Variants in TRPM3 observed in about 807,000 individuals in gnomAD.
TRPM3 encodes transient receptor potential cation channel subfamily M member 3, also known as long transient receptor potential channel 3.
In TRPM3, 77 loss-of-function variants were observed where a neutral mutation model predicts 181.2. That is an observed-to-expected ratio of 0.42 (90% CI 0.35 to 0.51). The LOEUF (loss-of-function observed/expected upper bound fraction) is 0.51, where lower values mean the gene tolerates loss of function less well. Ranked by LOEUF, TRPM3 falls within the 20% of genes least tolerant of loss-of-function variation. The pLI is 0.01. For missense variants in TRPM3, 1,759 were observed against 2,196.7 expected (o/e 0.80, Z 3.98); for synonymous variants, 745 against 796.4 (o/e 0.94, Z 1.09).
At chr9:70,581,100 T>C (rs758419139) in intron 22 of TRPM3, among the ~76,000 whole-genome samples, 3 of 152,232 alleles carry the variant, frequency 2.0e-5, no homozygotes, top group Non-Finnish European at 4.4e-5. Flanking sequence ...TTATGAGATA[T>C]ATACACAGAA....
intron 1 of TRPM3, among the ~76,000 whole-genome samples, chr9:71,251,576 T>C (rs2082344652): frequency 6.6e-6 from 1 of 152,182 alleles, no homozygotes; most frequent in South Asian, 2.1e-4. Flanking sequence ...TTTTAATTTT[T>C]AGTTTTTAAA....
chr9:71,081,859 GC>G (rs1263139199), intron 1 of TRPM3, among the ~76,000 whole-genome samples: 1 of 152,050 alleles, frequency 6.6e-6, no homozygotes. Context: ...TTACATTCTG[GC>G]TTTTTCTTAG....
intron 5 of TRPM3, among the ~76,000 whole-genome samples, chr9:70,839,663 AT>A (rs1417835276): frequency 2.0e-5 from 3 of 152,120 alleles, no homozygotes; most frequent in African/African-American, 7.2e-5. Context: ...TTATCCTTGG[AT>A]TTATTTCCAA....
At chr9:70,590,055 C>A (rs2057859870) in intron 22 of TRPM3, among the ~76,000 whole-genome samples, 1 of 151,880 alleles carries the variant, frequency 6.6e-6, no homozygotes, top group Admixed American at 6.6e-5. Context: ...GGCCTGTCAG[C>A]AAAAAAATGT....
intron 1 of TRPM3, among the ~76,000 whole-genome samples, chr9:71,208,270 G>C (rs2079249786): frequency 6.6e-6 from 1 of 152,114 alleles, no homozygotes; most frequent in Non-Finnish European, 1.5e-5. Flanking sequence ...GTGTAAAACG[G>C]TATGTCTAGA....
chr9:70,554,638 T>G (rs1168202674), intron 22 of TRPM3, among the ~76,000 whole-genome samples: 1 of 152,154 alleles, frequency 6.6e-6, no homozygotes, highest in Non-Finnish European at 1.5e-5. Context: ...GCATTTCTTT[T>G]AAAACTTTCT....
chr9:71,162,044 T>A (rs1418545587), intron 1 of TRPM3, among the ~76,000 whole-genome samples: 1 of 150,906 alleles, frequency 6.6e-6, no homozygotes, highest in African/African-American at 2.4e-5. Flanking sequence ...TCTACTAAAA[T>A]AAAAAATTAG....
At chr9:71,300,321 G>A (rs1184956632) in intron 1 of TRPM3, among the ~76,000 whole-genome samples, 1 of 152,036 alleles carries the variant, frequency 6.6e-6, no homozygotes, top group African/African-American at 2.4e-5. Flanking sequence ...GCCCATGACA[G>A]GGATGCTGCT....
intron 8 of TRPM3, among the ~76,000 whole-genome samples, chr9:70,748,836 G>T (rs2075635256): frequency 6.6e-6 from 1 of 152,054 alleles, no homozygotes; most frequent in Non-Finnish European, 1.5e-5. Context: ...TAAAACAATG[G>T]TCCCTGGAGA....
At chr9:71,338,819 C>T (rs2090756405) in intron 1 of TRPM3, among the ~76,000 whole-genome samples, 1 of 152,130 alleles carries the variant, frequency 6.6e-6, no homozygotes, top group Non-Finnish European at 1.5e-5. Flanking sequence ...AGAAACATTA[C>T]TGGCATTTCT....
rs776766485 is a variant in TRPM3 at position 71,121,246 on chromosome 9, G to C, written c.109C>G (p.Arg37Gly). Residue 37 changes from arginine to glycine, a missense_variant, in exon 1 of 26, where the codon CGA (arginine) becomes GGA (glycine). This residue lies in a region of TRPM3 where 737 missense variants were observed against 957.4 expected (regional missense o/e 0.77). Coordinates refer to ENST00000677713, the MANE Select transcript of TRPM3 (RefSeq NM_001366145.2). ...TTCCGGATGGTCCAGTTTAGGGGTC[G>C]AGGAGCATCAGCCTGATTCATGACC... is the stretch of plus-strand genomic sequence containing the variant. ...EGVMNQADAP[R>G]PLNWTIRKLC... 1 of 1,614,128 alleles carries C rather than the reference G, an allele frequency of 6.2e-7. No individual in the cohort carries two copies. The highest frequency in any genetic ancestry group is 2.2e-5 in the East Asian group (1 of 44,870).
At chr9:71,004,540 T>A (rs537591026) in intron 1 of TRPM3, among the ~76,000 whole-genome samples, 2 of 152,236 alleles carry the variant, frequency 1.3e-5, no homozygotes, top group Non-Finnish European at 2.9e-5. Flanking sequence ...TCTCCTCCTA[T>A]ATGCAGGCAT....
At position 71,226,876 on chromosome 9, in the gene TRPM3, A is replaced by C. The variant is rs976381606; in HGVS notation, c.183+219777T>G. On this transcript the variant is annotated intron_variant, in intron 1 of 24. Transcript: ENST00000357533. ...CAACAAAAAATCAAACTTAATCTGC[A>C]CTATAGGCCATGTGGGCCTATAAAT... Among the ~76,000 whole-genome samples, 3 of 152,200 alleles carry C rather than the reference A, an allele frequency of 2.0e-5. No individual in the cohort carries two copies. The East Asian group carries it at 5.8e-4, about 29-fold the overall frequency.
intron 19 of TRPM3, among the ~76,000 whole-genome samples, chr9:70,603,860 T>C (rs1346649208): frequency 6.6e-6 from 1 of 152,078 alleles, no homozygotes; most frequent in Non-Finnish European, 1.5e-5. Flanking sequence ...ACAGTGGATT[T>C]TTGCCTCACG....
At chr9:71,197,279 A>AT (rs1457624222) in intron 1 of TRPM3, among the ~76,000 whole-genome samples, 1 of 152,136 alleles carries the variant, frequency 6.6e-6, no homozygotes, top group African/African-American at 2.4e-5. Context: ...ATTGTTGGAC[A>AT]TTTCGCTTGG....
intron 1 of TRPM3, among the ~76,000 whole-genome samples, chr9:71,371,151 T>C (rs1195757415): frequency 6.6e-6 from 1 of 152,042 alleles, no homozygotes; most frequent in Admixed American, 6.6e-5. Flanking sequence ...GTACACGGAG[T>C]TGAATGTTGT....
At position 70,580,993 on chromosome 9, in the gene TRPM3, A is replaced by G. The variant is rs563668792; in HGVS notation, c.3223+10038T>C. The stretch of plus-strand genomic sequence containing the variant: ...TCGTGGCACAGAGCCTGGCACTTGA[A>G]GTGCTTAGTAAATGTCATTGAATGA... On this transcript the variant is annotated intron_variant, in intron 22 of 25. Transcript: ENST00000677713. 2.8e-4 allele frequency among the ~76,000 whole-genome samples: 42 copies of G among 152,364 alleles called. 1 individual carries two copies. Among genetic ancestry groups the G allele is most frequent in the South Asian group, 2.5e-3 (12 of 4,830 alleles).
intron 1 of TRPM3, among the ~76,000 whole-genome samples, chr9:70,986,736 G>A (rs2134079680): frequency 6.6e-6 from 1 of 152,204 alleles, no homozygotes; most frequent in Admixed American, 6.5e-5. Context: ...AGTAAAATGT[G>A]AATGTGCAAA....
intron 1 of TRPM3, among the ~76,000 whole-genome samples, chr9:71,011,782 GTTT>G (rs1246219196): frequency 6.4e-5 from 6 of 93,240 alleles, no homozygotes; most frequent in African/African-American, 2.5e-4. Flanking sequence ...TTTTTTTTTT[GTTT>G]TTTTGTTTTT....
Sources: gnomAD v4.1 joint callset for allele counts (sites outside exome capture counted in the v4.1 genomes callset) on GRCh38, gnomAD v4.1.1 for gene constraint, gnomAD v4.1.1 regional missense constraint, MANE v1.5 for transcripts, NCBI Gene and HGNC (gene_info 2026-07-23, HGNC 2026-07-21) for gene names.